Variants in ADGRL3 observed in about 807,000 individuals in gnomAD.
ADGRL3 encodes calcium-independent alpha-latrotoxin receptor 3.
Under a neutral mutation model 153.5 loss-of-function variants are expected in ADGRL3, and 62 were observed. That is an observed-to-expected ratio of 0.40 (90% CI 0.33 to 0.50). ADGRL3 has a LOEUF of 0.50. ADGRL3 is among the 20% of genes least tolerant of loss of function. The pLI, the probability that ADGRL3 is intolerant of heterozygous loss-of-function variation, is 0.47. For missense variants in ADGRL3, 1,641 were observed against 1,859.4 expected (o/e 0.88, Z 2.16); for synonymous variants, 710 against 672.5 (o/e 1.06, Z -0.86).
chr4:61,672,461 C>T (rs994602490), intron 5 of ADGRL3, among the ~76,000 whole-genome samples: 3 of 151,962 alleles, frequency 2.0e-5, no homozygotes, highest in Non-Finnish European at 2.9e-5. Context: ...TTAAACACCT[C>T]AATAGCAAGA....
At chr4:61,873,551 T>A (rs1180097147) in intron 9 of ADGRL3, among the ~76,000 whole-genome samples, 2 of 152,192 alleles carry the variant, frequency 1.3e-5, no homozygotes, top group Non-Finnish European at 2.9e-5. Flanking sequence ...ATAATCTGTA[T>A]TTCTGAAAGC....
chr4:61,510,738 T>C (rs1486874988), intron 3 of ADGRL3, among the ~76,000 whole-genome samples: 1 of 152,192 alleles, frequency 6.6e-6, no homozygotes, highest in East Asian at 1.9e-4. Context: ...CTTTGGCTAT[T>C]GGGGCTCTTT....
chr4:61,536,107 T>A (rs1446249191), intron 4 of ADGRL3, among the ~76,000 whole-genome samples: 4 of 151,968 alleles, frequency 2.6e-5, no homozygotes, highest in Non-Finnish European at 4.4e-5. Context: ...TTCTAAAAAA[T>A]TTTTGATTGC....
chr4:61,457,483 A>G (rs1281928084), intron 2 of ADGRL3, among the ~76,000 whole-genome samples: 2 of 151,972 alleles, frequency 1.3e-5, no homozygotes, highest in African/African-American at 2.4e-5. Context: ...AGCTTAAATC[A>G]TGTAACAGTT....
chr4:61,981,569 G>A (rs535880703), intron 18 of ADGRL3, among the ~76,000 whole-genome samples: 1 of 152,134 alleles, frequency 6.6e-6, no homozygotes, highest in East Asian at 1.9e-4. Context: ...CTAGCCAACT[G>A]TTGGTAAAAC....
chr4:61,244,505 T>C (rs2149361403), intron 1 of ADGRL3, among the ~76,000 whole-genome samples: 1 of 152,150 alleles, frequency 6.6e-6, no homozygotes, highest in African/African-American at 2.4e-5. Context: ...TTATATGACA[T>C]GAATTTATAT....
At chr4:61,924,866 T>A (rs2098787791) in intron 13 of ADGRL3, among the ~76,000 whole-genome samples, 1 of 152,190 alleles carries the variant, frequency 6.6e-6, no homozygotes, top group South Asian at 2.1e-4. Context: ...GTCTATTTTC[T>A]TTCATTTCAC....
chr4:61,746,918 A>G (rs2096670378), intron 8 of ADGRL3, among the ~76,000 whole-genome samples: 1 of 152,154 alleles, frequency 6.6e-6, no homozygotes, highest in Non-Finnish European at 1.5e-5. Context: ...TGAATCCAGG[A>G]GCTGGTTTTT....
intron 8 of ADGRL3, among the ~76,000 whole-genome samples, chr4:61,783,241 G>A (rs2097236276): frequency 6.6e-6 from 1 of 152,094 alleles, no homozygotes; most frequent in Non-Finnish European, 1.5e-5. Context: ...CATTATGATT[G>A]TGGCAGATGA....
intron 23 of ADGRL3, among the ~76,000 whole-genome samples, chr4:62,035,596 A>G (rs1368745236): frequency 1.3e-5 from 2 of 152,132 alleles, no homozygotes; most frequent in Admixed American, 6.6e-5. Context: ...ACTTTTGGTT[A>G]GAGATTATTT....
chr4:61,324,740 T>C (rs183691905), intron 1 of ADGRL3, among the ~76,000 whole-genome samples: 103 of 152,286 alleles, frequency 6.8e-4, no homozygotes, highest in Middle Eastern at 3.4e-3. Flanking sequence ...ACACTTTTTA[T>C]GCAATTTTTA....
intron 9 of ADGRL3, among the ~76,000 whole-genome samples, chr4:61,851,515 G>A (rs1415073075): frequency 6.7e-6 from 1 of 150,192 alleles, no homozygotes; most frequent in Admixed American, 6.7e-5. Context: ...CTTGAGCCTG[G>A]GAAGTCAAAG....
chr4:62,017,115 T>A (rs2099215721), intron 21 of ADGRL3, among the ~76,000 whole-genome samples: 1 of 152,100 alleles, frequency 6.6e-6, no homozygotes. Context: ...TCTATGGAGA[T>A]GATGATATCA....
At chr4:61,856,033 G>A (rs2098259915) in intron 9 of ADGRL3, among the ~76,000 whole-genome samples, 1 of 152,070 alleles carries the variant, frequency 6.6e-6, no homozygotes, top group Non-Finnish European at 1.5e-5. Flanking sequence ...AAAGAGTTGG[G>A]AAACCTTAGG....
intron 11 of ADGRL3, among the ~76,000 whole-genome samples, chr4:61,902,467 A>C (rs2098669851): frequency 6.6e-6 from 1 of 152,062 alleles, no homozygotes; most frequent in Non-Finnish European, 1.5e-5. Flanking sequence ...CCTGAATTTG[A>C]CTTCAAATAC....
At chr4:61,581,067 AAC>A (rs2098922775) in intron 4 of ADGRL3, among the ~76,000 whole-genome samples, 1 of 152,116 alleles carries the variant, frequency 6.6e-6, no homozygotes, top group African/African-American at 2.4e-5. Context: ...AAACAAGAGA[AAC>A]ACAGCAATGG....
At chr4:61,281,137 C>T (rs1472654214) in intron 1 of ADGRL3, among the ~76,000 whole-genome samples, 1 of 151,640 alleles carries the variant, frequency 6.6e-6, no homozygotes, top group Admixed American at 6.6e-5. Flanking sequence ...ACAAATATTG[C>T]CTTATCATCA....
intron 2 of ADGRL3, among the ~76,000 whole-genome samples, chr4:61,475,407 G>T (rs550195572): frequency 1.8e-3 from 271 of 152,162 alleles, no homozygotes; most frequent in African/African-American, 5.7e-3. Flanking sequence ...GATTTATGGG[G>T]TTTTTTTCCT....
chr4:62,013,585 A>C (rs1048686596), intron 21 of ADGRL3, among the ~76,000 whole-genome samples: 4 of 151,850 alleles, frequency 2.6e-5, no homozygotes, highest in Admixed American at 2.6e-4. Flanking sequence ...TGTTGTTATG[A>C]ATTTAACATG....
Sources: allele counts gnomAD v4.1 joint callset (sites outside exome capture counted in the v4.1 genomes callset), GRCh38; gene constraint gnomAD v4.1.1; transcripts MANE v1.5; gene names NCBI Gene and HGNC (gene_info 2026-07-23, HGNC 2026-07-21).